SEMA6C: variants seen among roughly 807,000 people sequenced by gnomAD.
SEMA6C encodes the protein semaphorin 6C.
Under a neutral mutation model 72.9 loss-of-function variants are expected in SEMA6C, and 37 were observed. The ratio of observed to expected loss-of-function variants is 0.51; its 90% CI spans 0.39 to 0.67. The LOEUF (loss-of-function observed/expected upper bound fraction) is 0.67, where lower values mean the gene tolerates loss of function less well. Among genes scored for constraint, SEMA6C ranks in the 30% least tolerant of loss-of-function variants. The pLI, the probability that SEMA6C is intolerant of heterozygous loss-of-function variation, is 0.00. For missense variants in SEMA6C, 1,189 were observed against 1,263.6 expected, an observed-to-expected ratio of 0.94 and a Z score of 0.89; for synonymous variants, 578 against 554.1, an observed-to-expected ratio of 1.04 and a Z score of -0.61.
rs5777762 is a variant in SEMA6C at position 151,137,445 on chromosome 1, C to CAAAAAA, written c.756+260_756+265dup. On this transcript the variant is annotated intron_variant, in intron 10 of 18. Coordinates refer to ENST00000368914, the MANE Select transcript of SEMA6C (RefSeq NM_030913.6). Reference sequence around the variant, plus strand: ...TGGGCGACAGAGCAAGACTCCGTCTCAAAAAAAAAAAAAAAAAGAGCACCA... The same window carrying CAAAAAA: ...TGGGCGACAGAGCAAGACTCCGTCTCAAAAAAAAAAAAAAAAAAAAAAAGAGCACCA... Among the ~76,000 whole-genome samples the CAAAAAA allele has an allele frequency of 3.1e-4, 33 of 105,100 alleles. 2 individuals carry two copies. The highest frequency in any genetic ancestry group is 0.012 in the Middle Eastern group (2 of 164). 68.9% of individuals were successfully genotyped at this position (105,100 alleles called of 152,430 possible). A position where few individuals can be genotyped will look rare whatever the true frequency, so the allele number is the denominator to read the frequency against.
In SEMA6C at chr1:151,132,522, G is replaced by T. The variant is rs1436981029; in HGVS notation, c.2755C>A (p.Arg919Ser). Residue 919 changes from arginine to serine, a missense_variant, in exon 19 of 19, where the codon CGC becomes AGC. Physicochemically the swap from Arg to Ser is moderately radical, Grantham distance 110. This residue lies in a region of SEMA6C where 721 missense variants were observed against 686.2 expected (regional missense o/e 1.05). Transcript: ENST00000368914. ...LKPPLVGPSS[R>S]QAVPNGGRFN... ...CGGCCGCCGTTCGGGACGGCCTGGCGGGAGGAGGGCCCGACGAGGGGAGGC... is the reference window on the plus strand; with the variant it reads ...CGGCCGCCGTTCGGGACGGCCTGGCTGGAGGAGGGCCCGACGAGGGGAGGC... The T allele has an allele frequency of 1.3e-6, 2 of 1,550,198 alleles. No individual in the cohort carries two copies. Among genetic ancestry groups the T allele is most frequent in the Non-Finnish European group, 1.7e-6 (2 of 1,146,754 alleles).
chr1:151,135,023 C>T (rs919730767), intron 15 of SEMA6C, 140 bp downstream of exon 15: 8 of 1,380,856 alleles, frequency 5.8e-6, no homozygotes, highest in Admixed American at 3.7e-5. Flanking sequence ...GGTTGCTGCC[C>T]ACCTTCAGAA....
At chr1:151,137,579 C>T (rs954553690) in intron 10 of SEMA6C, 132 bp downstream of exon 10, 2 of 757,802 alleles carry the variant, frequency 2.6e-6, no homozygotes, top group African/African-American at 3.5e-5. Flanking sequence ...TGGGGCTATT[C>T]CAAGTTGAGG....
At chr1:151,143,141 G>A (rs950576025) in intron 2 of SEMA6C, among the ~76,000 whole-genome samples, 4 of 152,236 alleles carry the variant, frequency 2.6e-5, no homozygotes, top group Non-Finnish European at 5.9e-5. Flanking sequence ...TGGGAGCAAT[G>A]CAGGCACTGC....
chr1:151,138,139 G>A (rs1268666459), intron 8 of SEMA6C, 34 bp from the exon 9 acceptor site: 1 of 1,610,034 alleles, frequency 6.2e-7, no homozygotes, highest in African/African-American at 1.3e-5. Flanking sequence ...TCAGGGGAGG[G>A]CTCAGGGATC....
intron 1 of SEMA6C, among the ~76,000 whole-genome samples, chr1:151,144,764 C>T (rs1409228376): frequency 6.6e-6 from 1 of 152,172 alleles, no homozygotes; most frequent in African/African-American, 2.4e-5. Context: ...ATCCAACAGC[C>T]TTCTTAGCAA....
rs776025048 is a variant in SEMA6C, at chr1:151,135,295, C to G, written c.1448G>C (p.Arg483Pro). Residue 483 changes from arginine (R) to proline (P), a missense_variant, in exon 15 of 19, where the codon CGG becomes CCG. Around this residue, in one of 2 missense-constraint regions of SEMA6C, gnomAD observed 721 missense variants for 686.2 expected, o/e 1.05. Transcript: ENST00000368914. ...GATCCGTCGTGCTGTTTGGGCTGTC[C>G]GCTTCCCACTGCACCTAGGGTGAGG... Reference protein sequence around the residue: ...AYSPARCSGKRTAQTARRIIG... With the variant: ...AYSPARCSGKPTAQTARRIIG... The G allele has an allele frequency of 6.2e-7, 1 of 1,613,784 alleles. No individual in the cohort carries two copies. Among genetic ancestry groups the G allele is most frequent in the Non-Finnish European group, 8.5e-7 (1 of 1,179,778 alleles).
At position 151,133,893 on chromosome 1, in the gene SEMA6C, G is replaced by T; in HGVS notation, c.1760-376C>A. ...AGCACCAAACACCATTCAGTGAGGG[G>T]CTTAGAACGCTCCGAGAATCAGCAG... On this transcript the variant is annotated intron_variant, in intron 18 of 18. Coordinates refer to ENST00000368914, the MANE Select transcript of SEMA6C (RefSeq NM_030913.6). The surrounding 1 kb of genome is among the most constrained non-coding windows in gnomAD (Gnocchi z 5.9). 7.5e-7 allele frequency: 1 copy of T among 1,330,908 alleles called. No individual in the cohort carries two copies. Among genetic ancestry groups the T allele is most frequent in the Non-Finnish European group, 1.1e-6 (1 of 948,532 alleles). 82.4% of individuals were successfully genotyped at this position (1,330,908 alleles called of 1,614,324 possible). A position where few individuals can be genotyped will look rare whatever the true frequency, so the allele number is the denominator to read the frequency against.
At chr1:151,134,705 T>A in intron 16 of SEMA6C, 30 bp from the exon 17 acceptor site, 1 of 1,613,672 alleles carries the variant, frequency 6.2e-7, no homozygotes, top group South Asian at 1.1e-5. Context: ...GCTATAGAAT[T>A]CTGTACGTTG....
rs185894640 is a variant in SEMA6C, at chr1:151,137,463, G to C, written c.756+248C>G. 5.8e-4 allele frequency among the ~76,000 whole-genome samples: 51 copies of C among 87,548 alleles called. No homozygotes were observed. The East Asian group carries it at 0.021, about 36-fold the overall frequency. The allele number at this position is 87,548 out of a possible 152,430, so 57.4% of individuals were successfully genotyped here. A position where few individuals can be genotyped will look rare whatever the true frequency, so the allele number is the denominator to read the frequency against. ...TCCGTCTCAAAAAAAAAAAAAAAAAGAGCACCAAGGGAGCAATGTGAGGGG... is the reference window on the plus strand; with the variant it reads ...TCCGTCTCAAAAAAAAAAAAAAAAACAGCACCAAGGGAGCAATGTGAGGGG... On this transcript the variant is annotated intron_variant, in intron 10 of 18. Coordinates refer to ENST00000368914, the MANE Select transcript of SEMA6C (RefSeq NM_030913.6).
chr1:151,136,087 A>T lies in SEMA6C; in HGVS notation c.1183T>A (p.Phe395Ile), dbSNP rs1681998366. ...TCCAGCAGCGGGTGAGCCTTGATGA[A>T]GGTCAGGACATCATCAGGGAGGTCT... Reference protein sequence around the residue: ...SRDLPDDVLTFIKAHPLLDPA... With the variant: ...SRDLPDDVLTIIKAHPLLDPA... The change falls in exon 13 of 19, where the codon TTC (phenylalanine) becomes ATC (isoleucine). Residue 395 changes from phenylalanine to isoleucine, a missense_variant. Phe to Ile is a conservative substitution (Grantham distance 21). Transcript: ENST00000368914. 2 of 1,613,890 alleles carry T rather than the reference A, an allele frequency of 1.2e-6. No individual in the cohort carries two copies. Among genetic ancestry groups the T allele is most frequent in the Non-Finnish European group, 1.7e-6 (2 of 1,179,978 alleles).
chr1:151,140,179 G>T, intron 3 of SEMA6C, 89 bp from the exon 4 acceptor site: 1 of 1,032,984 alleles, frequency 9.7e-7, no homozygotes, highest in Non-Finnish European at 1.5e-6. Flanking sequence ...AGTGGACACA[G>T]TGGATGTGTG....
In SEMA6C at chr1:151,132,095, A is replaced by T; in HGVS notation, c.*389T>A. The T allele has an allele frequency of 2.7e-6, 2 of 749,550 alleles. No homozygotes were observed. The highest frequency in any genetic ancestry group is 3.8e-6 in the Non-Finnish European group (2 of 532,924). 46.4% of individuals were successfully genotyped at this position (749,550 alleles called of 1,614,324 possible). A position where few individuals can be genotyped will look rare whatever the true frequency, so the allele number is the denominator to read the frequency against. On this transcript the variant is annotated 3_prime_UTR_variant, in exon 19 of 19. Transcript: ENST00000368914. The stretch of plus-strand genomic sequence containing the variant: ...TATTGGGAAGCGGAGGCTCCTACAC[A>T]GTAGGAGAGGCACGTCCCAGACCCA...
intron 2 of SEMA6C, among the ~76,000 whole-genome samples, chr1:151,143,427 C>A (rs913012470): frequency 6.6e-6 from 1 of 152,180 alleles, no homozygotes; most frequent in Admixed American, 6.5e-5. Flanking sequence ...GGCTCTCTAG[C>A]CCCCTGCTCC....
chr1:151,135,189 C>G lies in SEMA6C; in HGVS notation c.1554G>C (p.Arg518=), dbSNP rs774511303. The G allele has an allele frequency of 8.1e-6, 13 of 1,614,088 alleles. No homozygotes were observed. The highest frequency in any genetic ancestry group is 1.3e-5 in the African/African-American group (1 of 75,050). ...TCTGACAGGCCCCATGCCGGGCACA[C>G]CGGCTGAGAGGGAGGTAGACAATAC... ...SGCIVYLPLS[R]CARHGACQRS... is the part of the protein sequence containing the mutation. The change falls in exon 15 of 19, where the codon CGG becomes CGC. Residue 518 remains arginine, a synonymous_variant. Coordinates refer to ENST00000368914, the MANE Select transcript of SEMA6C (RefSeq NM_030913.6).
chr1:151,139,749 C>T (rs1365504489), intron 4 of SEMA6C, 48 bp from the exon 5 acceptor site: 1 of 1,525,840 alleles, frequency 6.6e-7, no homozygotes, highest in East Asian at 2.3e-5. Flanking sequence ...AGGCACCCCA[C>T]TTTACCCACA....
intron 11 of SEMA6C, 118 bp downstream of exon 11, chr1:151,136,739 C>A (rs1405072345): frequency 3.0e-6 from 4 of 1,347,004 alleles, no homozygotes; most frequent in African/African-American, 2.9e-5. Context: ...GGCAACACAG[C>A]AAACTGGCTT....
At position 151,132,708 on chromosome 1, in the gene SEMA6C, G is replaced by A. The variant is rs1221314946; in HGVS notation, c.2569C>T (p.His857Tyr). 11 of 1,489,770 alleles carry A rather than the reference G, an allele frequency of 7.4e-6. No homozygotes were observed. The highest frequency in any genetic ancestry group is 1.4e-5 in the African/African-American group (1 of 69,788). The allele number at this position is 1,489,770 out of a possible 1,614,324, so 92.3% of individuals were successfully genotyped here. A position where few individuals can be genotyped will look rare whatever the true frequency, so the allele number is the denominator to read the frequency against. Reference protein sequence around the residue: ...GGGRRLPFSGHRAPPALLTRV... With the variant: ...GGGRRLPFSGYRAPPALLTRV... Reference sequence around the variant, plus strand: ...GTGAGCAGGGCAGGGGGGGCCCGGTGGCCGGAGAAAGGCAACCTCCGGCCT... The same window carrying A: ...GTGAGCAGGGCAGGGGGGGCCCGGTAGCCGGAGAAAGGCAACCTCCGGCCT... Residue 857 changes from histidine to tyrosine, a missense_variant, in exon 19 of 19, where the codon CAC (histidine) becomes TAC (tyrosine). His to Tyr is a moderately conservative substitution (Grantham distance 83). Coordinates refer to ENST00000368914, the MANE Select transcript of SEMA6C (RefSeq NM_030913.6).
At chr1:151,142,218 T>G (rs142176742) in intron 3 of SEMA6C, among the ~76,000 whole-genome samples, 12,703 of 152,024 alleles carry the variant, frequency 0.084, 614 homozygotes, top group African/African-American at 0.13. Flanking sequence ...TTTTGTATTT[T>G]TAGTAGAGAT....
Sources: gnomAD v4.1 joint callset for allele counts (sites outside exome capture counted in the v4.1 genomes callset) on GRCh38, gnomAD v4.1.1 for gene constraint, gnomAD v4.1.1 regional missense constraint, Gnocchi (gnomAD v3.1) non-coding constraint, MANE v1.5 for transcripts, NCBI Gene and HGNC (gene_info 2026-07-23, HGNC 2026-07-21) for gene names.